The following PTK2 variants were observed in gnomAD, a reference collection of about 807,000 sequenced individuals.
The protein encoded by PTK2 is focal adhesion kinase 1.
A neutral mutation model predicts 150.1 loss-of-function variants in PTK2; 45 were observed. The observed-to-expected ratio is 0.30, with a 90% confidence interval of 0.24 to 0.38. PTK2 has a LOEUF of 0.38. Among genes scored for constraint, PTK2 ranks in the 10% least tolerant of loss-of-function variants. The pLI is 1.00. For missense variants in PTK2, 919 were observed against 1,307.3 expected (o/e 0.70, Z 4.58); for synonymous variants, 432 against 449.2 (o/e 0.96, Z 0.48).
chr8:140,903,948 C>T (rs1339896705), intron 2 of PTK2, among the ~76,000 whole-genome samples: 1 of 152,166 alleles, frequency 6.6e-6, no homozygotes, highest in African/African-American at 2.4e-5. Context: ...CAAACAGAGA[C>T]AATTTTGACT....
chr8:140,672,871 G>T (rs1255394004), intron 29 of PTK2, among the ~76,000 whole-genome samples: 1 of 152,222 alleles, frequency 6.6e-6, no homozygotes, highest in Non-Finnish European at 1.5e-5. Flanking sequence ...TGTGGAGGCT[G>T]TGTAACCTTG....
At chr8:140,834,086 A>C (rs993119942) in intron 7 of PTK2, among the ~76,000 whole-genome samples, 2 of 152,230 alleles carry the variant, frequency 1.3e-5, no homozygotes, top group South Asian at 4.1e-4. Flanking sequence ...GAGGCTACCA[A>C]ACTAGGTGGG....
intron 7 of PTK2, among the ~76,000 whole-genome samples, chr8:140,836,386 T>C (rs2100118666): frequency 6.6e-6 from 1 of 152,176 alleles, no homozygotes; most frequent in Non-Finnish European, 1.5e-5. Context: ...AATACATACG[T>C]GGTGATGAGT....
At position 140,926,971 on chromosome 8, in the gene PTK2, T is replaced by C. The variant is rs75485183; in HGVS notation, c.-121-1222A>G. Among the ~76,000 whole-genome samples the C allele has an allele frequency of 7.4e-3, 1,130 of 152,324 alleles. 12 individuals are homozygous for C. The highest frequency in any genetic ancestry group is 0.025 in the African/African-American group (1,045 of 41,570). On this transcript the variant is annotated intron_variant, in intron 1 of 31. Coordinates refer to ENST00000522684, the Ensembl canonical transcript of PTK2. The stretch of plus-strand genomic sequence containing the variant: ...CATATATACAGAGATCAAAGCTAAA[T>C]TCCAGATTTAGAAACTGCTGAGAGG...
intron 27 of PTK2, among the ~76,000 whole-genome samples, chr8:140,679,003 G>GTTTTTTTTTTTTTTTTTTTTTT (rs533089786): frequency 4.3e-5 from 3 of 68,988 alleles, no homozygotes; most frequent in African/African-American, 6.4e-5. Flanking sequence ...TGCTCCCCAT[G>GTTTTTTTTTTTTTTTTTTTTTT]TTTTTTTTTT....
chr8:140,682,634 T>C lies in PTK2; in HGVS notation c.2562+3998A>G, dbSNP rs561527529. 2.2e-4 allele frequency among the ~76,000 whole-genome samples: 28 copies of C among 125,604 alleles called. No individual in the cohort carries two copies. The South Asian group carries it at 7.1e-3, about 32-fold the overall frequency. The allele number at this position is 125,604 out of a possible 152,430, so 82.4% of individuals were successfully genotyped here. On this transcript the variant is annotated intron_variant, in intron 27 of 31. Coordinates refer to ENST00000522684, the Ensembl canonical transcript of PTK2. ...GCTATAAAACAATTCTATAGCTAAT[T>C]AAAAAAAAAAAAAAACCGAAATCAC...
At chr8:140,989,910 CA>C (rs11400792) in intron 1 of PTK2, among the ~76,000 whole-genome samples, 56,564 of 135,930 alleles carry the variant, frequency 0.42, 12,468 homozygotes, top group Non-Finnish European at 0.52. Flanking sequence ...CTCTTTGTCT[CA>C]AAAAAAAAAA....
intron 4 of PTK2, among the ~76,000 whole-genome samples, chr8:140,874,998 A>G (rs2100144714): frequency 6.6e-6 from 1 of 152,228 alleles, no homozygotes; most frequent in Admixed American, 6.5e-5. Flanking sequence ...TAAACAACAC[A>G]TATATAATAT....
rs868229032 is a variant in PTK2 at position 140,978,413 on chromosome 8, G to T, written c.-122+22712C>A. ...ACAATGAACTCAAACAAATTTACAA[G>T]AAAAAAATCAAATGACCCCATCAAC... On this transcript the variant is annotated intron_variant, in intron 1 of 31. Coordinates refer to ENST00000522684, the Ensembl canonical transcript of PTK2. Among the ~76,000 whole-genome samples, 5 of 152,040 alleles carry T rather than the reference G, an allele frequency of 3.3e-5. 1 individual carries two copies. The highest frequency in any genetic ancestry group is 2.0e-4 in the Admixed American group (3 of 15,254).
intron 20 of PTK2, among the ~76,000 whole-genome samples, chr8:140,741,955 G>A (rs2154443219): frequency 6.6e-6 from 1 of 152,056 alleles, no homozygotes; most frequent in South Asian, 2.1e-4. Flanking sequence ...ACCAGCCTAG[G>A]CAACACGGCA....
intron 26 of PTK2, among the ~76,000 whole-genome samples, chr8:140,697,456 T>TGTGTGTGTGTGTGTGTGTG (rs1564589217): frequency 1.4e-5 from 2 of 141,502 alleles, no homozygotes; most frequent in African/African-American, 5.4e-5. Flanking sequence ...GTGTGTGTGT[T>TGTGTGTGTGTGTGTGTGTG]TTTAAACGGA....
At chr8:140,788,514 T>C (rs967218431) in intron 14 of PTK2, among the ~76,000 whole-genome samples, 11 of 152,244 alleles carry the variant, frequency 7.2e-5, no homozygotes, top group African/African-American at 2.6e-4. Flanking sequence ...CAAAACCCTG[T>C]CTCTATTAAA....
intron 1 of PTK2, among the ~76,000 whole-genome samples, chr8:140,966,558 T>C (rs2100185383): frequency 6.6e-6 from 1 of 152,244 alleles, no homozygotes; most frequent in South Asian, 2.1e-4. Context: ...AGAAATCTAT[T>C]TGTAACTATG....
intron 23 of PTK2, among the ~76,000 whole-genome samples, chr8:140,716,350 G>A (rs1315882390): frequency 1.3e-5 from 2 of 152,158 alleles, no homozygotes; most frequent in Non-Finnish European, 2.9e-5. Flanking sequence ...GCTGGGATGC[G>A]GGGTACGTGC....
intron 31 of PTK2, among the ~76,000 whole-genome samples, chr8:140,663,383 G>A (rs923235299): frequency 6.6e-6 from 1 of 152,172 alleles, no homozygotes; most frequent in Non-Finnish European, 1.5e-5. Flanking sequence ...AACAAAAAGT[G>A]TGTGCTGGGA....
chr8:140,974,244 G>A (rs1054357177), intron 1 of PTK2, among the ~76,000 whole-genome samples: 1 of 152,096 alleles, frequency 6.6e-6, no homozygotes. Flanking sequence ...ATGACAGCAC[G>A]ATTTAGGGAT....
chr8:140,665,074 T>C (rs1426746305), intron 30 of PTK2, 77 bp from the exon 35 acceptor site: 16 of 1,340,808 alleles, frequency 1.2e-5, no homozygotes, highest in Middle Eastern at 1.8e-4. Flanking sequence ...TATTTTTTTA[T>C]TTCCTTTCCA....
At chr8:140,841,962 T>A (rs949077331) in intron 7 of PTK2, among the ~76,000 whole-genome samples, 1 of 151,622 alleles carries the variant, frequency 6.6e-6, no homozygotes, top group African/African-American at 2.4e-5. Flanking sequence ...TGTTTAAATG[T>A]ATGTAGCATT....
chr8:140,824,868 A>G (rs894095822), intron 8 of PTK2, among the ~76,000 whole-genome samples: 1 of 152,226 alleles, frequency 6.6e-6, no homozygotes, highest in Non-Finnish European at 1.5e-5. Flanking sequence ...TTTATTTTAA[A>G]CCAATTTACA....
Sources: allele counts gnomAD v4.1 joint callset (sites outside exome capture counted in the v4.1 genomes callset), GRCh38; gene constraint gnomAD v4.1.1; transcripts MANE v1.5; gene names NCBI Gene and HGNC (gene_info 2026-07-23, HGNC 2026-07-21).